DDX47: variants seen among roughly 807,000 people sequenced by gnomAD.
DDX47 encodes probable ATP-dependent RNA helicase DDX47.
In DDX47, 60 loss-of-function variants were observed where a neutral mutation model predicts 58.8. That is an observed-to-expected ratio of 1.02 (90% confidence interval 0.83 to 1.26). The LOEUF is 1.26. Among genes scored for constraint, DDX47 ranks in the 50% most tolerant of loss-of-function variants. DDX47 has a pLI of 0.00. For synonymous variants in DDX47, 197 were observed against 204.6 expected (o/e 0.96, Z 0.32); for missense variants, 530 against 573.2 (o/e 0.92, Z 0.77).
intron 10 of DDX47, 109 bp from the exon 11 acceptor site, chr12:12,827,137 T>C: frequency 7.6e-7 from 1 of 1,323,744 alleles, no homozygotes; most frequent in Non-Finnish European, 1.0e-6. Context: ...ATGTTCAATA[T>C]TGTTTAAACC....
intron 5 of DDX47, 63 bp from the exon 6 acceptor site, chr12:12,822,598 A>G: frequency 7.3e-7 from 1 of 1,374,644 alleles, no homozygotes; most frequent in Non-Finnish European, 1.0e-6. Flanking sequence ...TTCACTACCT[A>G]GAGGATTTGC....
chr12:12,819,435 T>C (rs1862939094), intron 2 of DDX47, among the ~76,000 whole-genome samples: 1 of 151,502 alleles, frequency 6.6e-6, no homozygotes, highest in Non-Finnish European at 1.5e-5. Context: ...CGGGCATATA[T>C]ATATATGTAA....
At chr12:12,825,268 A>C (rs111245751) in intron 9 of DDX47, among the ~76,000 whole-genome samples, 7 of 152,302 alleles carry the variant, frequency 4.6e-5, no homozygotes, top group African/African-American at 1.7e-4. Context: ...TGCCCGGCCT[A>C]CAGCTTGTAG....
At chr12:12,825,402 A>G (rs981526857) in intron 9 of DDX47, among the ~76,000 whole-genome samples, 4 of 152,188 alleles carry the variant, frequency 2.6e-5, no homozygotes, top group African/African-American at 7.2e-5. Context: ...GCCTTTACCC[A>G]GTAGATAACA....
rs145728988 is a variant in DDX47, at chr12:12,815,863, T to C, written c.181+1639T>C. On this transcript the variant is annotated intron_variant, in intron 2 of 11. Coordinates refer to ENST00000358007, the MANE Select transcript of DDX47 (RefSeq NM_016355.4). ...AGATGAAGGATTTAGAGTTGTACTC[T>C]TGGAAGATTAATCTCATAGCTGTGA... Among the ~76,000 whole-genome samples, 575 of 152,308 alleles carry C rather than the reference T, an allele frequency of 3.8e-3. 4 individuals carry two copies. Among genetic ancestry groups the C allele is most frequent in the African/African-American group, 0.013 (552 of 41,550 alleles).
At position 12,821,225 on chromosome 12, in the gene DDX47, C is replaced by G. The variant is rs774308181; in HGVS notation, c.199C>G (p.Leu67Val). The G allele has an allele frequency of 1.6e-5, 26 of 1,614,108 alleles. No individual in the cohort carries two copies. The highest frequency in any genetic ancestry group is 2.2e-5 in the Non-Finnish European group (26 of 1,180,050). ...LALQGRDIIG[L>V]AETGSGKTGA... ...TCTTTTAGGTCGTGATATCATTGGGCTTGCAGAAACTGGCTCTGGAAAGAC... is the reference window on the plus strand; with the variant it reads ...TCTTTTAGGTCGTGATATCATTGGGGTTGCAGAAACTGGCTCTGGAAAGAC... Residue 67 changes from leucine (L) to valine (V), a missense_variant, in exon 3 of 12, where the codon CTT becomes GTT. By Grantham distance (32) the Leu-to-Val change is conservative (BLOSUM62 1). Transcript: ENST00000358007.
At position 12,829,426 on chromosome 12, in the gene DDX47, T is replaced by C. The variant is rs750907574; in HGVS notation, c.1240T>C (p.Leu414=). 6.2e-7 allele frequency: 1 copy of C among 1,608,834 alleles called. No individual in the cohort carries two copies. Among genetic ancestry groups the C allele is most frequent in the Admixed American group, 1.7e-5 (1 of 59,006 alleles). The change falls in exon 12 of 12, where the codon TTA becomes CTA. Residue 414 remains leucine, a synonymous_variant. Transcript: ENST00000358007. ...ATCCTCTCTTTTTTTCTTGCAGGAG[T>C]TAAGGGAGCATGGAGAAAAGAAGAA... ...AEAQRFARME[L]REHGEKKKRS...
In DDX47 at chr12:12,822,424, G is replaced by A. The variant is rs1369915621; in HGVS notation, c.562-237G>A. 2.6e-5 allele frequency among the ~76,000 whole-genome samples: 4 copies of A among 151,848 alleles called. No individual in the cohort carries two copies. In the East Asian group the frequency reaches 7.7e-4, roughly 29 times the overall value. ...TTGACTTTTCTCTTAAATCAGCTCT[G>A]GTCTACTAATTTAAACTGTTCTTTT... On this transcript the variant is annotated intron_variant, in intron 5 of 11. Coordinates refer to ENST00000358007, the MANE Select transcript of DDX47 (RefSeq NM_016355.4).
Position 12,823,250 on chromosome 12 carries a change from C to T in DDX47, c.681C>T (p.Ala227=), listed in dbSNP as rs757649860. The part of the protein sequence containing the change: ...RAALKNPVKC[A]VSSKYQTVEK... Reference sequence around the variant, plus strand: ...CTCTGAAGAATCCTGTGAAATGTGCCGTTTCCTCTAAATACCAGACAGTTG... The same window carrying T: ...CTCTGAAGAATCCTGTGAAATGTGCTGTTTCCTCTAAATACCAGACAGTTG... Residue 227 remains alanine, a synonymous_variant, in exon 7 of 12, where the codon GCC becomes GCT. Transcript: ENST00000358007. The T allele has an allele frequency of 1.1e-5, 18 of 1,613,830 alleles. No homozygotes were observed. Among genetic ancestry groups the T allele is most frequent in the African/African-American group, 6.7e-5 (5 of 74,902 alleles).
chr12:12,818,759 T>C (rs1394976260), intron 2 of DDX47, among the ~76,000 whole-genome samples: 2 of 152,004 alleles, frequency 1.3e-5, no homozygotes, highest in African/African-American at 2.4e-5. Context: ...CCCAGAATCA[T>C]GGCAGGAGGC....
At chr12:12,823,847 A>G (rs752176634) in intron 7 of DDX47, 23 bp from the exon 8 acceptor site, 2 of 1,610,192 alleles carry the variant, frequency 1.2e-6, no homozygotes, top group Non-Finnish European at 1.7e-6. Context: ...AATGACATAT[A>G]TTGTTTTGGG....
Position 12,825,819 on chromosome 12 carries a change from C to T in DDX47, c.1036-181C>T, listed in dbSNP as rs184315475. On this transcript the variant is annotated intron_variant, in intron 9 of 11. Coordinates refer to ENST00000358007, the MANE Select transcript of DDX47 (RefSeq NM_016355.4). ...AAAGCATTGGATCAATTTTGTGCTG[C>T]AAGGAGAACAAAAAAGATGAAGTAG... Among the ~76,000 whole-genome samples, 3 of 152,262 alleles carry T rather than the reference C, an allele frequency of 2.0e-5. No homozygotes were observed. The East Asian group carries it at 5.8e-4, about 29-fold the overall frequency.
chr12:12,821,952 C>T lies in DDX47; in HGVS notation c.443-13C>T. On this transcript the variant is annotated splice_polypyrimidine_tract_variant and intron_variant, in intron 4 of 11. Transcript: ENST00000358007. The stretch of plus-strand genomic sequence containing the variant: ...CTGAAATGTCACTGTTTCTCCTCAA[C>T]CTTTCTTGGTAGCAACTCCTGGTCG... The T allele has an allele frequency of 1.3e-6, 2 of 1,556,516 alleles. No homozygotes were observed. The highest frequency in any genetic ancestry group is 1.1e-5 in the South Asian group (1 of 89,412).
Position 12,823,369 on chromosome 12 carries a change from A to G in DDX47, c.750+50A>G, listed in dbSNP as rs550045452. 26 of 1,107,300 alleles carry G rather than the reference A, an allele frequency of 2.3e-5. No individual in the cohort carries two copies. In the South Asian group the frequency reaches 3.1e-4, roughly 13 times the overall value. 68.6% of individuals were successfully genotyped at this position (1,107,300 alleles called of 1,614,324 possible). A position where few individuals can be genotyped will look rare whatever the true frequency, so the allele number is the denominator to read the frequency against. On this transcript the variant is annotated intron_variant, in intron 7 of 11. Coordinates refer to ENST00000358007, the MANE Select transcript of DDX47 (RefSeq NM_016355.4). ...CTGCCTCTCCCTCTTCTTTTCACCA[A>G]AGCATCTGAAAATGTGTCAACTCTT...
At chr12:12,815,895 A>G (rs1377330314) in intron 2 of DDX47, among the ~76,000 whole-genome samples, 1 of 152,230 alleles carries the variant, frequency 6.6e-6, no homozygotes, top group East Asian at 1.9e-4. Context: ...GTGAAAGATC[A>G]TTAGAAACAA....
chr12:12,822,741 T>C lies in DDX47; in HGVS notation c.633+9T>C. ...CCACCATGACCAAGAAGGTGAAATT[T>C]GCTAGGACTTTTGTTTCTTCTTTAT... On this transcript the variant is annotated intron_variant, in intron 6 of 11. Transcript: ENST00000358007. 1 of 1,610,562 alleles carries C rather than the reference T, an allele frequency of 6.2e-7. No individual in the cohort carries two copies. Among genetic ancestry groups the C allele is most frequent in the Non-Finnish European group, 8.5e-7 (1 of 1,176,960 alleles).
intron 11 of DDX47, among the ~76,000 whole-genome samples, chr12:12,827,685 AT>A (rs1424310009): frequency 6.6e-6 from 1 of 152,056 alleles, no homozygotes; most frequent in African/African-American, 2.4e-5. Flanking sequence ...AGCTTGGGAA[AT>A]TTGCCTGATT....
intron 7 of DDX47, chr12:12,823,594 G>A: frequency 1.8e-6 from 1 of 549,208 alleles, no homozygotes; most frequent in Non-Finnish European, 3.2e-6. Context: ...TGCTTATTAT[G>A]TGGCTTTTAT....
chr12:12,826,149 T>C, intron 10 of DDX47, 79 bp downstream of exon 10: 1 of 1,110,576 alleles, frequency 9.0e-7, no homozygotes, highest in Non-Finnish European at 1.3e-6. Context: ...AACCTGACAC[T>C]ACCATTTACT....
Sources: allele counts gnomAD v4.1 joint callset (sites outside exome capture counted in the v4.1 genomes callset), GRCh38; gene constraint gnomAD v4.1.1; transcripts MANE v1.5; gene names NCBI Gene and HGNC (gene_info 2026-07-23, HGNC 2026-07-21).